The following EEF1B2 variants were observed in gnomAD, a reference collection of about 807,000 sequenced individuals.
EEF1B2 encodes eukaryotic translation elongation factor 1 beta 2.
A neutral mutation model predicts 28.3 loss-of-function variants in EEF1B2; 12 were observed. The observed-to-expected ratio is 0.42, with a 90% CI of 0.27 to 0.69. EEF1B2 has a LOEUF of 0.69. Ranked by LOEUF, EEF1B2 falls within the 30% of genes least tolerant of loss-of-function variation. The probability of loss-of-function intolerance (pLI) is 0.22; values close to 1 mark genes in which losing one functional copy is unlikely to be tolerated. For missense variants in EEF1B2, 234 were observed against 272.6 expected, an observed-to-expected ratio of 0.86 and a Z score of 1.00; for synonymous variants, 83 against 99.9, an observed-to-expected ratio of 0.83 and a Z score of 1.01.
At chr2:206,160,117 C>G in intron 1 of EEF1B2, 58 bp downstream of exon 1, 1 of 1,580,734 alleles carries the variant, frequency 6.3e-7, no homozygotes, top group Non-Finnish European at 8.6e-7. Context: ...GGGCCGGGGC[C>G]ACGTGGCGCA....
chr2:206,159,935 C>T lies in EEF1B2; in HGVS notation c.-45C>T. ...CAGCGTGGGGCGCCCACAATTTGCG[C>T]GCTCTCTTTCTGCTGCTCCCCAGCT... is the stretch of plus-strand genomic sequence containing the variant. On this transcript the variant is annotated 5_prime_UTR_variant, in exon 1 of 6. Coordinates refer to ENST00000392222, the MANE Select transcript of EEF1B2 (RefSeq NM_001959.4). 2.5e-6 allele frequency: 4 copies of T among 1,596,250 alleles called. No individual in the cohort carries two copies. The highest frequency in any genetic ancestry group is 1.7e-6 in the Non-Finnish European group (2 of 1,173,168).
chr2:206,161,762 C>G, intron 3 of EEF1B2: 1 of 511,470 alleles, frequency 2.0e-6, no homozygotes, highest in Non-Finnish European at 3.5e-6. Context: ...GAGCGAGACT[C>G]CGTCCCAAAA....
At chr2:206,160,135 G>T in intron 1 of EEF1B2, 76 bp downstream of exon 1, 1 of 1,539,812 alleles carries the variant, frequency 6.5e-7, no homozygotes, top group Non-Finnish European at 8.8e-7. Flanking sequence ...GCAGCGTGTC[G>T]GCTGCCGCGG....
chr2:206,160,119 C>A, intron 1 of EEF1B2, 60 bp downstream of exon 1: 1 of 1,574,162 alleles, frequency 6.4e-7, no homozygotes, highest in South Asian at 1.1e-5. Flanking sequence ...GCCGGGGCCA[C>A]GTGGCGCAGC....
rs754954941 is a variant in EEF1B2, at chr2:206,162,034, A to G, written c.331-4A>G. 6.2e-7 allele frequency: 1 copy of G among 1,613,790 alleles called. No homozygotes were observed. Among genetic ancestry groups the G allele is most frequent in the South Asian group, 1.1e-5 (1 of 91,062 alleles). On this transcript the variant is annotated splice_region_variant and splice_polypyrimidine_tract_variant and intron_variant, in intron 3 of 5. Transcript: ENST00000392222. Reference sequence around the variant, plus strand: ...TGAAGTGGATTAATTTTTTTTCTTTACAGGAAAGTGAAGAAGCAAAGAGGC... The same window carrying G: ...TGAAGTGGATTAATTTTTTTTCTTTGCAGGAAAGTGAAGAAGCAAAGAGGC...
intron 2 of EEF1B2, 26 bp from the exon 3 acceptor site, chr2:206,161,320 G>A (rs759824046): frequency 2.5e-6 from 4 of 1,612,608 alleles, no homozygotes; most frequent in Middle Eastern, 1.9e-4. Flanking sequence ...TAGCTCAATA[G>A]TGGTTGAATT....
rs1687850091 is a variant in EEF1B2, at chr2:206,159,903, C to T, written c.-77C>T. On this transcript the variant is annotated 5_prime_UTR_variant, in exon 1 of 6. Transcript: ENST00000392222. The stretch of plus-strand genomic sequence containing the variant: ...TTCCGGTCTCTTCGGGTCCTTTTTC[C>T]TCTCTTCAGCGTGGGGCGCCCACAA... 4 of 1,533,146 alleles carry T rather than the reference C, an allele frequency of 2.6e-6. No individual in the cohort carries two copies. The highest frequency in any genetic ancestry group is 1.8e-6 in the Non-Finnish European group (2 of 1,136,192). The allele number at this position is 1,533,146 out of a possible 1,614,324, so 95.0% of individuals were successfully genotyped here. A position where few individuals can be genotyped will look rare whatever the true frequency, so the allele number is the denominator to read the frequency against.
chr2:206,162,669 C>T (rs956192383), intron 5 of EEF1B2, 55 bp downstream of exon 5: 1 of 1,556,886 alleles, frequency 6.4e-7, no homozygotes. Context: ...AATTTGCCTA[C>T]AGTTTCAACC....
intron 1 of EEF1B2, 44 bp downstream of exon 1, chr2:206,160,103 C>CCCGGGG: frequency 6.3e-7 from 1 of 1,597,976 alleles, no homozygotes; most frequent in Non-Finnish European, 8.5e-7. Flanking sequence ...GGTTTCTCCG[C>CCCGGGG]CCGGGGCCGG....
rs778062661 is a variant in EEF1B2, at chr2:206,160,667, C to T, written c.160C>T (p.Arg54Cys). The T allele has an allele frequency of 2.5e-6, 4 of 1,614,032 alleles. No homozygotes were observed. Among genetic ancestry groups the T allele is most frequent in the East Asian group, 2.2e-5 (1 of 44,846 alleles). ...PPPADLCHALRWYNHIKSYEK... is the reference protein window; with the variant it reads ...PPPADLCHALCWYNHIKSYEK... ...GCCTGCCGACTTGTGTCATGCCCTACGTTGGTATAATCACATCAAGTCTTA... is the reference window on the plus strand; with the variant it reads ...GCCTGCCGACTTGTGTCATGCCCTATGTTGGTATAATCACATCAAGTCTTA... Residue 54 changes from arginine (R) to cysteine (C), a missense_variant, in exon 2 of 6, where the codon CGT becomes TGT. Arg to Cys is a radical substitution (Grantham distance 180). Coordinates refer to ENST00000392222, the MANE Select transcript of EEF1B2 (RefSeq NM_001959.4).
chr2:206,162,158 A>G, intron 4 of EEF1B2, 54 bp downstream of exon 4: 1 of 1,553,326 alleles, frequency 6.4e-7, no homozygotes, highest in Non-Finnish European at 8.9e-7. Flanking sequence ...ATCTTTTTCA[A>G]AGCTTGACCT....
intron 3 of EEF1B2, 83 bp downstream of exon 3, chr2:206,161,555 G>T (rs888170502): frequency 5.1e-6 from 8 of 1,570,792 alleles, no homozygotes; most frequent in Non-Finnish European, 5.2e-6. Flanking sequence ...GGCTGAGGCG[G>T]GTGGATCACG....
intron 3 of EEF1B2, 39 bp from the exon 4 acceptor site, chr2:206,161,999 A>G: frequency 6.3e-7 from 1 of 1,582,976 alleles, no homozygotes; most frequent in Non-Finnish European, 8.7e-7. Flanking sequence ...CAGAGGAACA[A>G]CCAGCTTTCT....
chr2:206,160,845 G>T, intron 2 of EEF1B2, 135 bp downstream of exon 2: 1 of 1,360,308 alleles, frequency 7.4e-7, no homozygotes, highest in Non-Finnish European at 1.0e-6. Flanking sequence ...TGTAACCTTA[G>T]AAGGCCAAGA....
At position 206,161,668 on chromosome 2, in the gene EEF1B2, G is replaced by A. The variant is rs562930710; in HGVS notation, c.330+196G>A. 7.9e-5 allele frequency among the ~76,000 whole-genome samples: 12 copies of A among 152,124 alleles called. No individual in the cohort carries two copies. In the South Asian group the frequency reaches 1.9e-3, roughly 24 times the overall value. ...CATCTGTAATCCCAGCTACTCAGGCGGCTAAGGCAGAGAATTGCTTGAACC... is the reference window on the plus strand; with the variant it reads ...CATCTGTAATCCCAGCTACTCAGGCAGCTAAGGCAGAGAATTGCTTGAACC... On this transcript the variant is annotated intron_variant, in intron 3 of 5. Transcript: ENST00000392222.
At chr2:206,160,751 C>T in intron 2 of EEF1B2, 41 bp downstream of exon 2, 1 of 1,613,552 alleles carries the variant, frequency 6.2e-7, no homozygotes, top group Non-Finnish European at 8.5e-7. Context: ...TAAGACTGCT[C>T]TCGAAGTTTA....
Position 206,162,781 on chromosome 2 carries a change from A to G in EEF1B2, c.576A>G (p.Val192=). Residue 192 remains valine (V), a synonymous_variant, in exon 6 of 6, where the codon GTA becomes GTG. Transcript: ENST00000392222. ...TTAAGAAACTTCAAATACAGTGTGT[A>G]GTTGAAGATGATAAAGTTGGAACAG... ...YGIKKLQIQC[V]VEDDKVGTDM... is the part of the protein sequence containing the mutation. The G allele has an allele frequency of 6.2e-7, 1 of 1,612,172 alleles. No individual in the cohort carries two copies. Among genetic ancestry groups the G allele is most frequent in the Non-Finnish European group, 8.5e-7 (1 of 1,180,008 alleles).
intron 1 of EEF1B2, 46 bp downstream of exon 1, chr2:206,160,105 C>G: frequency 1.9e-6 from 3 of 1,589,026 alleles, no homozygotes; most frequent in South Asian, 1.1e-5. Flanking sequence ...TTTCTCCGCC[C>G]GGGGCCGGGG....
At chr2:206,162,432 G>A in intron 4 of EEF1B2, 57 bp from the exon 5 acceptor site, 1 of 1,608,536 alleles carries the variant, frequency 6.2e-7, no homozygotes, top group Non-Finnish European at 8.5e-7. Context: ...TTGTGTCTTG[G>A]AGTAGGGTGA....
Sources: gnomAD v4.1 joint callset for allele counts (sites outside exome capture counted in the v4.1 genomes callset) on GRCh38, gnomAD v4.1.1 for gene constraint, MANE v1.5 for transcripts, NCBI Gene and HGNC (gene_info 2026-07-23, HGNC 2026-07-21) for gene names.